IFT122: variants seen among roughly 807,000 people sequenced by gnomAD.
IFT122 encodes the protein intraflagellar transport 122.
IFT122 carries 118 observed loss-of-function variants against 161.6 expected under a neutral mutation model. The ratio of observed to expected loss-of-function variants is 0.73; its 90% CI spans 0.63 to 0.85. IFT122 has a LOEUF of 0.85. IFT122 is among the 40% of genes least tolerant of loss of function. The pLI is 0.00. For missense variants in IFT122, 1,381 were observed against 1,579.6 expected (o/e 0.87, Z 2.13); for synonymous variants, 550 against 602.4 (o/e 0.91, Z 1.27).
intron 26 of IFT122, among the ~76,000 whole-genome samples, chr3:129,516,941 GCA>G (rs1184788989): frequency 1.0e-5 from 1 of 98,882 alleles, no homozygotes; most frequent in Admixed American, 1.2e-4. Context: ...GACTGCCCCT[GCA>G]CACACACAGA....
At chr3:129,519,509 A>C in intron 28 of IFT122, 59 bp from the exon 29 acceptor site, 1 of 1,604,270 alleles carries the variant, frequency 6.2e-7, no homozygotes, top group East Asian at 2.2e-5. Flanking sequence ...CATAATCCAC[A>C]CAGATGTCTC....
chr3:129,488,134 G>T, intron 15 of IFT122, 123 bp from the exon 16 acceptor site: 2 of 1,542,074 alleles, frequency 1.3e-6, no homozygotes, highest in Non-Finnish European at 8.9e-7. Flanking sequence ...ATTGGCGGCT[G>T]CAGGGCTGCT....
intron 3 of IFT122, 37 bp from the exon 4 acceptor site, chr3:129,458,562 A>G: frequency 6.5e-7 from 1 of 1,536,868 alleles, no homozygotes; most frequent in Non-Finnish European, 9.0e-7. Flanking sequence ...CTGGTTTAAG[A>G]TAAATGTAAG....
chr3:129,456,208 T>C lies in IFT122; in HGVS notation c.194-2391T>C, dbSNP rs1268193352. ...CCAGAGACTCTGAGCCCAAAGCTTA[T>C]GCTTTTCATCACCATCACCTGCTAC... On this transcript the variant is annotated intron_variant, in intron 3 of 29. Coordinates refer to ENST00000348417, the MANE Select transcript of IFT122 (RefSeq NM_052989.3). The C allele has an allele frequency of 3.9e-6, 5 of 1,281,594 alleles. No individual in the cohort carries two copies. The Admixed American group carries it at 6.9e-5, about 18-fold the overall frequency. The allele number at this position is 1,281,594 out of a possible 1,614,324, so 79.4% of individuals were successfully genotyped here.
chr3:129,482,264 C>T (rs1234539932), intron 14 of IFT122, among the ~76,000 whole-genome samples: 3 of 152,228 alleles, frequency 2.0e-5, no homozygotes, highest in Non-Finnish European at 4.4e-5. Flanking sequence ...TGGAGTCATC[C>T]AGCCCTGTGG....
intron 12 of IFT122, among the ~76,000 whole-genome samples, chr3:129,479,389 T>C (rs986379023): frequency 2.0e-5 from 3 of 152,060 alleles, no homozygotes; most frequent in African/African-American, 7.2e-5. Context: ...TGAGCTATGA[T>C]AGCGCCACTA....
At chr3:129,453,517 T>C (rs769283518) in intron 3 of IFT122, among the ~76,000 whole-genome samples, 1 of 152,182 alleles carries the variant, frequency 6.6e-6, no homozygotes, top group Non-Finnish European at 1.5e-5. Context: ...TGTGTCTTTT[T>C]CTCCAGCGAT....
Position 129,461,287 on chromosome 3 carries a change from G to C in IFT122, c.332G>C (p.Cys111Ser). 6.2e-7 allele frequency: 1 copy of C among 1,612,976 alleles called. No individual in the cohort carries two copies. The highest frequency in any genetic ancestry group is 2.2e-5 in the East Asian group (1 of 44,884). The stretch of plus-strand genomic sequence containing the variant: ...CCTATTACTCATCAACTGGCATCTT[G>C]TTCCTCCAGTGACTTTGGTACGTTC... ...YNPITHQLASCSSSDFGLWSP... is the reference protein window; with the variant it reads ...YNPITHQLASSSSSDFGLWSP... Residue 111 changes from cysteine to serine, a missense_variant, in exon 5 of 30, where the codon TGT (cysteine) becomes TCT (serine). Cys to Ser is a moderately radical substitution (Grantham distance 112). Coordinates refer to ENST00000348417, the MANE Select transcript of IFT122 (RefSeq NM_052989.3).
chr3:129,516,345 C>T (rs1425801570), intron 26 of IFT122, among the ~76,000 whole-genome samples: 1 of 137,456 alleles, frequency 7.3e-6, no homozygotes, highest in African/African-American at 2.8e-5. Context: ...ACTGCCCCTG[C>T]ACACACACAC....
chr3:129,483,875 A>G (rs1221379115), intron 15 of IFT122, 193 bp downstream of exon 15: 2 of 656,784 alleles, frequency 3.0e-6, no homozygotes, highest in Non-Finnish European at 5.5e-6. Context: ...ACTGGGGGCA[A>G]ACAGCTCAAC....
chr3:129,512,193 C>T (rs2082917293), intron 23 of IFT122, 119 bp from the exon 24 acceptor site: 7 of 787,780 alleles, frequency 8.9e-6, no homozygotes, highest in Non-Finnish European at 1.4e-5. Flanking sequence ...GGAGTAGGTG[C>T]TCAATAATCA....
In IFT122 at chr3:129,520,339, TAA is replaced by T; in HGVS notation, c.*76_*77del. ...TGGGCTGTGAAGGAGAATAAAGAGTTAAACTGTCAGAATGTGTTTCTTGCCCA... is the reference window on the plus strand; with the variant it reads ...TGGGCTGTGAAGGAGAATAAAGAGTTACTGTCAGAATGTGTTTCTTGCCCA... On this transcript the variant is annotated 3_prime_UTR_variant, in exon 30 of 30. Coordinates refer to ENST00000348417, the MANE Select transcript of IFT122 (RefSeq NM_052989.3). 3 of 1,155,198 alleles carry T rather than the reference TAA, an allele frequency of 2.6e-6. No individual in the cohort carries two copies. In the South Asian group the frequency reaches 3.9e-5, roughly 15 times the overall value. The allele number at this position is 1,155,198 out of a possible 1,614,324, so 71.6% of individuals were successfully genotyped here. A position where few individuals can be genotyped will look rare whatever the true frequency, so the allele number is the denominator to read the frequency against.
intron 9 of IFT122, among the ~76,000 whole-genome samples, chr3:129,470,731 C>T (rs1016072548): frequency 7.3e-5 from 11 of 151,264 alleles, no homozygotes; most frequent in Admixed American, 2.0e-4. Context: ...CCACCATGTC[C>T]GGCTAATTTT....
chr3:129,463,834 A>G (rs1228716956), intron 6 of IFT122, among the ~76,000 whole-genome samples: 1 of 152,226 alleles, frequency 6.6e-6, no homozygotes, highest in Non-Finnish European at 1.5e-5. Flanking sequence ...AGTTGCCTTC[A>G]TGCAGTTACT....
intron 15 of IFT122, 38 bp downstream of exon 15, chr3:129,483,720 G>A: frequency 6.5e-7 from 1 of 1,542,924 alleles, no homozygotes; most frequent in Non-Finnish European, 8.8e-7. Context: ...GCACTGGCAA[G>A]GCTGACAAGA....
chr3:129,488,303 C>T lies in IFT122; in HGVS notation c.1898C>T (p.Ala633Val). ...CTGGATAGGAAACTGTTCAAGGAAG[C>T]CTACCAGATTGCTTGCTTGGGTGTC... is the stretch of plus-strand genomic sequence containing the variant. Reference protein sequence around the residue: ...QYLDRKLFKEAYQIACLGVTD... With the variant: ...QYLDRKLFKEVYQIACLGVTD... Residue 633 changes from alanine to valine, a missense_variant, in exon 16 of 30, where the codon GCC becomes GTC. Physicochemically the swap from Ala to Val is moderately conservative, Grantham distance 64. Transcript: ENST00000348417. The T allele has an allele frequency of 6.2e-7, 1 of 1,614,210 alleles. No individual in the cohort carries two copies. Among genetic ancestry groups the T allele is most frequent in the Non-Finnish European group, 8.5e-7 (1 of 1,180,038 alleles).
chr3:129,476,079 A>C, intron 9 of IFT122: 1 of 549,224 alleles, frequency 1.8e-6, no homozygotes, highest in Non-Finnish European at 3.3e-6. Context: ...GGGTGGGACT[A>C]GGGGAGGTGC....
chr3:129,520,027 C>G (rs1372251403), intron 29 of IFT122, 149 bp from the exon 30 acceptor site: 16 of 734,932 alleles, frequency 2.2e-5, no homozygotes, highest in Non-Finnish European at 3.3e-5. Context: ...ATCTCCCCTT[C>G]CAGCCCTCAA....
Position 129,515,305 on chromosome 3 carries a change from C to T in IFT122, c.3154-183C>T, listed in dbSNP as rs1015402137. 13 of 658,922 alleles carry T rather than the reference C, an allele frequency of 2.0e-5. 1 individual carries two copies. Among genetic ancestry groups the T allele is most frequent in the African/African-American group, 9.0e-5 (5 of 55,634 alleles). The allele number at this position is 658,922 out of a possible 1,614,324, so 40.8% of individuals were successfully genotyped here. A position where few individuals can be genotyped will look rare whatever the true frequency, so the allele number is the denominator to read the frequency against. ...CCCAAGTGACAGGGCTTGGGTATTT[C>T]GGCAGGCCTTTATCCTGCTTCCCCA... On this transcript the variant is annotated intron_variant, in intron 25 of 29. Transcript: ENST00000348417.
Sources: allele counts gnomAD v4.1 joint callset (sites outside exome capture counted in the v4.1 genomes callset), GRCh38; gene constraint gnomAD v4.1.1; transcripts MANE v1.5; gene names NCBI Gene and HGNC (gene_info 2026-07-23, HGNC 2026-07-21).